Variants in RUNX2 observed in about 807,000 individuals in gnomAD.
RUNX2 encodes the protein runt-related transcription factor 2.
A neutral mutation model predicts 51.7 loss-of-function variants in RUNX2; 10 were observed. That is an observed-to-expected ratio of 0.19 (90% CI 0.12 to 0.33). RUNX2 has a LOEUF of 0.33. Among genes scored for constraint, RUNX2 ranks in the 10% least tolerant of loss-of-function variants. The pLI is 1.00. For missense variants in RUNX2, 562 were observed against 691.3 expected (o/e 0.81, Z 2.10); for synonymous variants, 276 against 273.6 (o/e 1.01, Z -0.09).
rs556485727 is a variant in RUNX2 at position 45,519,628 on chromosome 6, A to G, written c.1021+7221A>G. 7.9e-5 allele frequency among the ~76,000 whole-genome samples: 12 copies of G among 151,908 alleles called. No individual in the cohort carries two copies. In the East Asian group the frequency reaches 2.1e-3, roughly 27 times the overall value. On this transcript the variant is annotated intron_variant, in intron 7 of 8. Transcript: ENST00000647337. ...ATAGTTTTGCCTTTTCCAGTGTTAT[A>G]TAGTTGGAATCATACAATAAGTAAG...
intron 2 of RUNX2, among the ~76,000 whole-genome samples, chr6:45,340,904 T>C (rs1474234178): frequency 1.3e-5 from 2 of 152,160 alleles, no homozygotes; most frequent in Admixed American, 6.5e-5. Context: ...GCATTCCTTA[T>C]ACTATGGTCT....
intron 2 of RUNX2, among the ~76,000 whole-genome samples, chr6:45,339,909 T>C (rs1304598675): frequency 6.6e-6 from 1 of 152,188 alleles, no homozygotes; most frequent in East Asian, 1.9e-4. Context: ...TGCTAAGCCA[T>C]TTATAAACAT....
At chr6:45,464,216 C>T (rs1799562474) in intron 5 of RUNX2, among the ~76,000 whole-genome samples, 1 of 151,536 alleles carries the variant, frequency 6.6e-6, no homozygotes, top group Non-Finnish European at 1.5e-5. Flanking sequence ...ATGTTTACAA[C>T]ATCAGAGACA....
intron 2 of RUNX2, among the ~76,000 whole-genome samples, chr6:45,331,546 C>A (rs75657218): frequency 6.6e-6 from 1 of 151,904 alleles, no homozygotes; most frequent in Non-Finnish European, 1.5e-5. Flanking sequence ...ATCACTCTAA[C>A]ACATATCAAA....
chr6:45,492,081 C>A lies in RUNX2; in HGVS notation c.826C>A (p.Pro276Thr). The change falls in exon 6 of 9, where the codon CCT becomes ACT. Residue 276 changes from proline (P) to threonine (T), a missense_variant. By Grantham distance (38) the Pro-to-Thr change is conservative. Around this residue, in one of 5 missense-constraint regions of RUNX2, gnomAD observed 304 missense variants for 353.2 expected, o/e 0.86. Coordinates refer to ENST00000647337, the MANE Select transcript of RUNX2 (RefSeq NM_001024630.4). ...PRPSLNSAPS[P>T]FNPQGQSQIT... ...GCCCTCCCTGAACTCTGCACCAAGT[C>A]CTTTTAATCCACAAGGACAGAGTCA... 1 of 1,613,730 alleles carries A rather than the reference C, an allele frequency of 6.2e-7. No homozygotes were observed. The highest frequency in any genetic ancestry group is 8.5e-7 in the Non-Finnish European group (1 of 1,179,856).
rs1802500389 is a variant in RUNX2 at position 45,549,421 on chromosome 6, A to G, written c.*2116A>G. On this transcript the variant is annotated 3_prime_UTR_variant, in exon 9 of 9. Coordinates refer to ENST00000647337, the MANE Select transcript of RUNX2 (RefSeq NM_001024630.4). ...CTTGGAATTCATCCTGACTCCTTCT[A>G]ATAAAAATGGATGGGAAAGCAAAAC... The G allele has an allele frequency of 5.0e-6, 2 of 398,548 alleles. No individual in the cohort carries two copies. The highest frequency in any genetic ancestry group is 8.8e-6 in the Non-Finnish European group (2 of 226,040). 24.7% of individuals were successfully genotyped at this position (398,548 alleles called of 1,614,324 possible).
At chr6:45,372,500 G>A (rs1437270959) in intron 2 of RUNX2, among the ~76,000 whole-genome samples, 1 of 151,966 alleles carries the variant, frequency 6.6e-6, no homozygotes, top group East Asian at 1.9e-4. Context: ...AACCACTATA[G>A]CATTTAAATC....
intron 5 of RUNX2, among the ~76,000 whole-genome samples, chr6:45,450,078 T>C (rs1449076171): frequency 1.3e-5 from 2 of 152,168 alleles, no homozygotes; most frequent in Non-Finnish European, 2.9e-5. Flanking sequence ...AGGAAAATGA[T>C]GGAATGCTAC....
intron 4 of RUNX2, among the ~76,000 whole-genome samples, chr6:45,432,557 T>G (rs547893287): frequency 5.3e-4 from 80 of 152,312 alleles, no homozygotes; most frequent in African/African-American, 1.8e-3. Flanking sequence ...AATAATGTAT[T>G]ACTTATGTTA....
At chr6:45,372,536 T>C (rs895786747) in intron 2 of RUNX2, among the ~76,000 whole-genome samples, 3 of 152,252 alleles carry the variant, frequency 2.0e-5, no homozygotes, top group Non-Finnish European at 4.4e-5. Context: ...CAAGATTTTT[T>C]AATGATTTAT....
At chr6:45,363,424 T>C (rs1340277612) in intron 2 of RUNX2, among the ~76,000 whole-genome samples, 1 of 152,140 alleles carries the variant, frequency 6.6e-6, no homozygotes, top group Non-Finnish European at 1.5e-5. Flanking sequence ...AAAGGTTAAA[T>C]AAGACTGGAA....
At chr6:45,515,977 TG>T (rs1351670184) in intron 7 of RUNX2, among the ~76,000 whole-genome samples, 1 of 152,176 alleles carries the variant, frequency 6.6e-6, no homozygotes, top group Admixed American at 6.5e-5. Context: ...AGAAAGACCA[TG>T]ATTTAATCTA....
At chr6:45,501,694 C>G (rs1800804807) in intron 6 of RUNX2, among the ~76,000 whole-genome samples, 1 of 152,208 alleles carries the variant, frequency 6.6e-6, no homozygotes, top group South Asian at 2.1e-4. Context: ...ATGCAATAGA[C>G]AGATGAGCTG....
chr6:45,462,904 G>C (rs1272586079), intron 5 of RUNX2, among the ~76,000 whole-genome samples: 1 of 152,188 alleles, frequency 6.6e-6, no homozygotes, highest in African/African-American at 2.4e-5. Context: ...GTCCCTCTGT[G>C]CTCATGTGAG....
At chr6:45,429,712 T>A (rs1040272421) in intron 3 of RUNX2, among the ~76,000 whole-genome samples, 6 of 152,214 alleles carry the variant, frequency 3.9e-5, no homozygotes, top group Non-Finnish European at 7.3e-5. Context: ...CAACATTAAC[T>A]GGCCCTCTCA....
chr6:45,338,364 C>T (rs1378853225), intron 2 of RUNX2, among the ~76,000 whole-genome samples: 4 of 151,676 alleles, frequency 2.6e-5, no homozygotes, highest in Non-Finnish European at 5.9e-5. Flanking sequence ...AAATTATAGG[C>T]AACTTCTCAA....
At chr6:45,490,008 A>G (rs891218588) in intron 5 of RUNX2, among the ~76,000 whole-genome samples, 1 of 152,168 alleles carries the variant, frequency 6.6e-6, no homozygotes, top group Non-Finnish European at 1.5e-5. Flanking sequence ...AGGGAAGAGA[A>G]AGCTAGAATA....
In RUNX2 at chr6:45,475,123, TAA is replaced by T. The variant is rs35187443; in HGVS notation, c.686-16801_686-16800del. On this transcript the variant is annotated intron_variant, in intron 5 of 8. Coordinates refer to ENST00000647337, the MANE Select transcript of RUNX2 (RefSeq NM_001024630.4). The stretch of plus-strand genomic sequence containing the variant: ...TGGGCGACAGAGTAAGACTCCATCT[TAA>T]AAAAAAAAAAAAAAAAGAAGCTTAA... Among the ~76,000 whole-genome samples the T allele has an allele frequency of 7.0e-3, 902 of 128,962 alleles. 2 individuals are homozygous for T. The highest frequency in any genetic ancestry group is 0.011 in the Non-Finnish European group (664 of 61,316). 84.6% of individuals were successfully genotyped at this position (128,962 alleles called of 152,430 possible).
intron 7 of RUNX2, among the ~76,000 whole-genome samples, chr6:45,524,247 G>T (rs915936633): frequency 6.6e-6 from 1 of 152,088 alleles, no homozygotes; most frequent in African/African-American, 2.4e-5. Context: ...ATAAATTAAT[G>T]AATTTCAAAT....
Sources: gnomAD v4.1 joint callset for allele counts (sites outside exome capture counted in the v4.1 genomes callset) on GRCh38, gnomAD v4.1.1 for gene constraint, gnomAD v4.1.1 regional missense constraint, MANE v1.5 for transcripts, NCBI Gene and HGNC (gene_info 2026-07-23, HGNC 2026-07-21) for gene names.